The following DNAJC6 variants were observed in gnomAD, a reference collection of about 807,000 sequenced individuals.
DNAJC6 encodes auxilin.
DNAJC6 carries 34 observed loss-of-function variants against 110.0 expected under a neutral mutation model. The ratio of observed to expected loss-of-function variants is 0.31; its 90% CI spans 0.24 to 0.41. The LOEUF is 0.41. Among genes scored for constraint, DNAJC6 ranks in the 10% least tolerant of loss-of-function variants. DNAJC6 has a pLI of 1.00. For missense variants in DNAJC6, 1,031 were observed against 1,207.8 expected (o/e 0.85, Z 2.17); for synonymous variants, 406 against 437.2 (o/e 0.93, Z 0.89).
intron 1 of DNAJC6, among the ~76,000 whole-genome samples, chr1:65,355,685 C>A (rs1389805560): frequency 2.0e-5 from 3 of 152,134 alleles, no homozygotes; most frequent in African/African-American, 7.2e-5. Context: ...CACCAGGTCA[C>A]GTCAAGATGA....
chr1:65,378,061 T>C (rs1645783519), intron 4 of DNAJC6, among the ~76,000 whole-genome samples: 1 of 149,618 alleles, frequency 6.7e-6, no homozygotes, highest in South Asian at 2.1e-4. Context: ...ATGTATCACC[T>C]GTCTTATGTC....
chr1:65,279,701 T>C (rs1361770979), intron 1 of DNAJC6: 1 of 152,118 alleles, frequency 6.6e-6, no homozygotes, highest in Non-Finnish European at 1.5e-5. Context: ...TGAAATACAT[T>C]TTCTCTCCTA....
At chr1:65,371,632 GC>G (rs1645707094) in intron 4 of DNAJC6, among the ~76,000 whole-genome samples, 1 of 152,172 alleles carries the variant, frequency 6.6e-6, no homozygotes, top group Admixed American at 6.6e-5. Flanking sequence ...GGCTGCTTCT[GC>G]CCATCCTGTC....
At chr1:65,407,451 A>T (rs567091618) in intron 16 of DNAJC6, among the ~76,000 whole-genome samples, 2 of 152,316 alleles carry the variant, frequency 1.3e-5, no homozygotes, top group Non-Finnish European at 2.9e-5. Context: ...TATACAGCTT[A>T]TAAGCGACAG....
upstream of DNAJC6, among the ~76,000 whole-genome samples, chr1:65,307,123 AT>A (rs2101339562): frequency 6.6e-6 from 1 of 151,262 alleles, no homozygotes; most frequent in East Asian, 1.9e-4. Flanking sequence ...TGAGATATTC[AT>A]TGATAAGTAT....
intron 7 of DNAJC6, 34 bp from the exon 8 acceptor site, chr1:65,386,778 C>T (rs750710740): frequency 6.4e-7 from 1 of 1,558,284 alleles, no homozygotes; most frequent in Non-Finnish European, 8.9e-7. Flanking sequence ...AGATTGGACT[C>T]TCTTTCAATG....
intron 1 of DNAJC6, among the ~76,000 whole-genome samples, chr1:65,356,612 A>T (rs561374616): frequency 2.0e-4 from 30 of 151,962 alleles, no homozygotes; most frequent in Middle Eastern, 3.4e-3. Flanking sequence ...AAATAAATTT[A>T]AAAAAATAAA....
At chr1:65,335,929 T>TAC (rs1225752975) in intron 1 of DNAJC6, among the ~76,000 whole-genome samples, 1 of 152,106 alleles carries the variant, frequency 6.6e-6, no homozygotes, top group Non-Finnish European at 1.5e-5. Flanking sequence ...GAAGAAGATA[T>TAC]TGCAATAATT....
At chr1:65,311,226 T>TTTC (rs1645097492) in intron 1 of DNAJC6, among the ~76,000 whole-genome samples, 1 of 135,232 alleles carries the variant, frequency 7.4e-6, no homozygotes, top group African/African-American at 2.8e-5. Context: ...TTTTTTTTTT[T>TTTC]TTTTTTTTTT....
At chr1:65,367,190 G>A (rs998958741) in intron 4 of DNAJC6, among the ~76,000 whole-genome samples, 3 of 152,110 alleles carry the variant, frequency 2.0e-5, no homozygotes, top group Non-Finnish European at 4.4e-5. Context: ...TGGAGGGCTT[G>A]TTAAACACAG....
chr1:65,408,843 C>T, intron 17 of DNAJC6, 60 bp downstream of exon 17: 1 of 1,583,748 alleles, frequency 6.3e-7, no homozygotes, highest in Non-Finnish European at 8.6e-7. Flanking sequence ...GTGATAAAGT[C>T]ATGTGTATGG....
At chr1:65,401,281 C>G (rs1440374924) in intron 14 of DNAJC6, among the ~76,000 whole-genome samples, 1 of 152,158 alleles carries the variant, frequency 6.6e-6, no homozygotes, top group Non-Finnish European at 1.5e-5. Flanking sequence ...CTTCCCTGAA[C>G]AGCAGTTTTT....
chr1:65,333,371 C>T (rs1283438985), intron 1 of DNAJC6, among the ~76,000 whole-genome samples: 1 of 152,076 alleles, frequency 6.6e-6, no homozygotes, highest in Non-Finnish European at 1.5e-5. Flanking sequence ...TTGGCATTGA[C>T]CATGGATAAA....
At chr1:65,332,825 A>AT (rs1645300573) in intron 1 of DNAJC6, among the ~76,000 whole-genome samples, 1 of 152,254 alleles carries the variant, frequency 6.6e-6, no homozygotes, top group East Asian at 1.9e-4. Context: ...TTATAAAAAT[A>AT]TTTAAGTGAC....
intron 1 of DNAJC6, among the ~76,000 whole-genome samples, chr1:65,315,497 T>C (rs1024995546): frequency 6.6e-5 from 10 of 152,212 alleles, no homozygotes; most frequent in African/African-American, 1.9e-4. Flanking sequence ...TGTGTAAATA[T>C]ATATGCTTTA....
At chr1:65,406,174 T>A in intron 16 of DNAJC6, 41 bp downstream of exon 16, 1 of 1,583,364 alleles carries the variant, frequency 6.3e-7, no homozygotes, top group Non-Finnish European at 8.6e-7. Context: ...GGGCAGCCTG[T>A]CTATGTTGTC....
At chr1:65,345,423 A>G (rs1645428384) in intron 1 of DNAJC6, among the ~76,000 whole-genome samples, 1 of 151,956 alleles carries the variant, frequency 6.6e-6, no homozygotes, top group Non-Finnish European at 1.5e-5. Flanking sequence ...GATATTATCT[A>G]CCTCCATTTT....
At chr1:65,305,788 C>T (rs1315526066), upstream of DNAJC6, among the ~76,000 whole-genome samples, 2 of 152,092 alleles carry the variant, frequency 1.3e-5, no homozygotes, top group Non-Finnish European at 2.9e-5. Flanking sequence ...TAACAAATCT[C>T]TTAGGTAAGC....
intron 4 of DNAJC6, among the ~76,000 whole-genome samples, chr1:65,367,231 A>G (rs1156656314): frequency 6.6e-6 from 1 of 152,196 alleles, no homozygotes. Context: ...AGGGAGGCAT[A>G]AGAATCTGCA....
Sources: allele counts gnomAD v4.1 joint callset (sites outside exome capture counted in the v4.1 genomes callset), GRCh38; gene constraint gnomAD v4.1.1; transcripts MANE v1.5; gene names NCBI Gene and HGNC (gene_info 2026-07-23, HGNC 2026-07-21).